PCDHGB1: variants seen among roughly 807,000 people sequenced by gnomAD.
PCDHGB1 encodes the protein protocadherin gamma subfamily B, 1.
A neutral mutation model predicts 56.6 loss-of-function variants in PCDHGB1; 34 were observed. The ratio of observed to expected loss-of-function variants is 0.60; its 90% confidence interval spans 0.46 to 0.80. The LOEUF is 0.80. Among genes scored for constraint, PCDHGB1 ranks in the 30% least tolerant of loss-of-function variants. The probability of loss-of-function intolerance (pLI) is 0.00; values close to 1 mark genes in which losing one functional copy is unlikely to be tolerated. For missense variants in PCDHGB1, 1,278 were observed against 1,204.6 expected (o/e 1.06, Z -0.90); for synonymous variants, 561 against 505.9 (o/e 1.11, Z -1.46).
Position 141,476,949 on chromosome 5 carries a change from A to G in PCDHGB1, c.2410-17858A>G. The stretch of plus-strand genomic sequence containing the variant: ...GATCTGGATGAAGGCCCCAACGGTG[A>G]AATTATTTACTCCTTCGGCAGCCAC... On this transcript the variant is annotated intron_variant, in intron 1 of 3. Transcript: ENST00000523390. The surrounding 1 kb of genome is among the most constrained non-coding windows in gnomAD (Gnocchi z 7.6). 6.2e-7 allele frequency: 1 copy of G among 1,614,200 alleles called. No individual in the cohort carries two copies. Among genetic ancestry groups the G allele is most frequent in the Admixed American group, 1.7e-5 (1 of 60,038 alleles).
At chr5:141,410,037 G>T (rs760397726) in intron 1 of PCDHGB1, 2 of 1,613,250 alleles carry the variant, frequency 1.2e-6, no homozygotes, top group South Asian at 2.2e-5. Flanking sequence ...CTGCAGGCCA[G>T]TGAGCCCGGA....
In PCDHGB1 at chr5:141,476,299, C is replaced by T; in HGVS notation, c.2410-18508C>T. ...ACCTTGGTTTGGATCTCGGTAGCCT[C>T]TCAGCCCGCAGGTTCCGGGTGGTGT... On this transcript the variant is annotated intron_variant, in intron 1 of 3. Transcript: ENST00000523390. The surrounding 1 kb of genome is among the most constrained non-coding windows in gnomAD (Gnocchi z 7.6). The T allele has an allele frequency of 6.2e-7, 1 of 1,614,100 alleles. No individual in the cohort carries two copies. The highest frequency in any genetic ancestry group is 1.1e-5 in the South Asian group (1 of 91,074).
At chr5:141,410,913 G>GC (rs1270456210) in intron 1 of PCDHGB1, 4 of 263,626 alleles carry the variant, frequency 1.5e-5, no homozygotes, top group African/African-American at 1.1e-4. Flanking sequence ...GAGTGCAGTG[G>GC]CGTGATCTCT....
intron 1 of PCDHGB1, chr5:141,394,242 CACGACCCCG>C (rs1450725417): frequency 1.2e-6 from 2 of 1,613,838 alleles, no homozygotes; most frequent in Non-Finnish European, 1.7e-6. Flanking sequence ...CTTGACTGCA[CACGACCCCG>C]ACAGCCAGGA....
In PCDHGB1 at chr5:141,367,047, A is replaced by G. The variant is rs866542840; in HGVS notation, c.2409+14378A>G. Reference sequence around the variant, plus strand: ...ATTGGAACTGCAGTTCTATTAATAGAAAAGATGTTTTATTTATTCAAATTG... The same window carrying G: ...ATTGGAACTGCAGTTCTATTAATAGGAAAGATGTTTTATTTATTCAAATTG... On this transcript the variant is annotated intron_variant, in intron 1 of 3. Coordinates refer to ENST00000523390, the MANE Select transcript of PCDHGB1 (RefSeq NM_018922.3). 8 of 336,290 alleles carry G rather than the reference A, an allele frequency of 2.4e-5. No individual in the cohort carries two copies. In the Middle Eastern group the frequency reaches 2.8e-3, roughly 116 times the overall value. 20.8% of individuals were successfully genotyped at this position (336,290 alleles called of 1,614,324 possible).
Position 141,511,579 on chromosome 5 carries a change from G to T in PCDHGB1, c.*406G>T. The T allele has an allele frequency of 3.6e-6, 1 of 280,798 alleles. No individual in the cohort carries two copies. Among genetic ancestry groups the T allele is most frequent in the South Asian group, 4.1e-5 (1 of 24,614 alleles). 17.4% of individuals were successfully genotyped at this position (280,798 alleles called of 1,614,324 possible). On this transcript the variant is annotated 3_prime_UTR_variant, in exon 4 of 4. Transcript: ENST00000523390. Reference sequence around the variant, plus strand: ...CCTCTTTCCCGAGTAAGGTGGTTGGGGTGTTGAAGTACCAAGTAACCTACA... The same window carrying T: ...CCTCTTTCCCGAGTAAGGTGGTTGGTGTGTTGAAGTACCAAGTAACCTACA...
chr5:141,436,902 G>A (rs2097852984), intron 1 of PCDHGB1, among the ~76,000 whole-genome samples: 1 of 152,210 alleles, frequency 6.6e-6, no homozygotes, highest in Admixed American at 6.5e-5. Flanking sequence ...TTTTATATGA[G>A]ACAATTTTGT....
At chr5:141,360,048 A>C in intron 1 of PCDHGB1, 2 of 1,434,382 alleles carry the variant, frequency 1.4e-6, no homozygotes, top group Non-Finnish European at 1.8e-6. Flanking sequence ...ACAGAAAACA[A>C]AAGCAGGAAA....
rs2097372368 is a variant in PCDHGB1 at position 141,431,422 on chromosome 5, G to A, written c.2410-63385G>A. On this transcript the variant is annotated intron_variant, in intron 1 of 3. Coordinates refer to ENST00000523390, the MANE Select transcript of PCDHGB1 (RefSeq NM_018922.3). This position sits in a 1 kb window ranked among gnomAD's most constrained non-coding sequence, Gnocchi z 4.8. ...CGGCCTCCGACGGGGGCGACCCGGTGCGCACAGGCACCGCGCGCATCCGCG... is the reference window on the plus strand; with the variant it reads ...CGGCCTCCGACGGGGGCGACCCGGTACGCACAGGCACCGCGCGCATCCGCG... 6.2e-7 allele frequency: 1 copy of A among 1,613,710 alleles called. No individual in the cohort carries two copies. The highest frequency in any genetic ancestry group is 2.2e-5 in the East Asian group (1 of 44,882).
At position 141,486,765 on chromosome 5, in the gene PCDHGB1, T is replaced by C; in HGVS notation, c.2410-8042T>C. On this transcript the variant is annotated intron_variant, in intron 1 of 3. Transcript: ENST00000523390. This position sits in a 1 kb window ranked among gnomAD's most constrained non-coding sequence, Gnocchi z 5.0. ...TTTGACTATGAGCAAACCCAGACACTGCAGTTTGAGGTGCAGGCCCGGGAT... is the reference window on the plus strand; with the variant it reads ...TTTGACTATGAGCAAACCCAGACACCGCAGTTTGAGGTGCAGGCCCGGGAT... 4 of 1,614,230 alleles carry C rather than the reference T, an allele frequency of 2.5e-6. No individual in the cohort carries two copies. Among genetic ancestry groups the C allele is most frequent in the Non-Finnish European group, 3.4e-6 (4 of 1,180,038 alleles).
At chr5:141,407,314 T>G (rs2094914230) in intron 1 of PCDHGB1, among the ~76,000 whole-genome samples, 1 of 152,212 alleles carries the variant, frequency 6.6e-6, no homozygotes, top group Non-Finnish European at 1.5e-5. Flanking sequence ...CCTTCATACT[T>G]AGTATTTATA....
rs1459105534 is a variant in PCDHGB1, at chr5:141,366,603, C to G, written c.2409+13934C>G. 2 of 1,614,226 alleles carry G rather than the reference C, an allele frequency of 1.2e-6. No individual in the cohort carries two copies. Among genetic ancestry groups the G allele is most frequent in the Non-Finnish European group, 1.7e-6 (2 of 1,180,034 alleles). ...CTGCAGACCTATTCCCACGAGGTCT[C>G]CCTCACCGCGGACTCGAGGAAGAGT... On this transcript the variant is annotated intron_variant, in intron 1 of 3. Transcript: ENST00000523390.
chr5:141,492,458 G>A (rs1333043781), intron 1 of PCDHGB1, among the ~76,000 whole-genome samples: 1 of 152,230 alleles, frequency 6.6e-6, no homozygotes, highest in Non-Finnish European at 1.5e-5. Flanking sequence ...GTGCGCGCCT[G>A]AGGGTCCCAG....
chr5:141,357,535 C>T, intron 1 of PCDHGB1: 6 of 1,614,210 alleles, frequency 3.7e-6, no homozygotes, highest in Non-Finnish European at 5.1e-6. Context: ...TGCAGACACG[C>T]TCATCAGCCG....
rs2099730037 is a variant in PCDHGB1 at position 141,491,783 on chromosome 5, A to G, written c.2410-3024A>G. The G allele has an allele frequency of 1.3e-6, 2 of 1,539,618 alleles. No homozygotes were observed. The highest frequency in any genetic ancestry group is 2.2e-5 in the Admixed American group (1 of 46,412). On this transcript the variant is annotated intron_variant, in intron 1 of 3. Transcript: ENST00000523390. The surrounding 1 kb of genome is among the most constrained non-coding windows in gnomAD (Gnocchi z 6.9). ...CGTCCTCATAAGGGATTGAACTTGC[A>G]TCCACTCCTCTCCGGCCGGCTTGGT...
chr5:141,356,151 A>G, intron 1 of PCDHGB1: 1 of 1,613,466 alleles, frequency 6.2e-7, no homozygotes, highest in Non-Finnish European at 8.5e-7. Flanking sequence ...TCTATGACAT[A>G]GATGTAGAAG....
intron 1 of PCDHGB1, chr5:141,408,397 G>T: frequency 6.2e-7 from 1 of 1,614,068 alleles, no homozygotes; most frequent in Non-Finnish European, 8.5e-7. Context: ...CGGCTCGCAA[G>T]CTGCGAGTGA....
At chr5:141,408,438 C>T (rs749271632) in intron 1 of PCDHGB1, 1 of 1,614,014 alleles carries the variant, frequency 6.2e-7, no homozygotes. Context: ...AGCGTAGACG[C>T]GGAGAGCGGG....
chr5:141,412,839 G>A, intron 1 of PCDHGB1: 1 of 203,324 alleles, frequency 4.9e-6, no homozygotes, highest in Admixed American at 5.8e-5. Context: ...TTAAAGATAG[G>A]AGTGGAGAAA....
Sources: allele counts gnomAD v4.1 joint callset (sites outside exome capture counted in the v4.1 genomes callset), GRCh38; gene constraint gnomAD v4.1.1; non-coding constraint Gnocchi (gnomAD v3.1); transcripts MANE v1.5; gene names NCBI Gene and HGNC (gene_info 2026-07-23, HGNC 2026-07-21).